KCNK1: variants seen among roughly 807,000 people sequenced by gnomAD.
The protein encoded by KCNK1 is potassium two pore domain channel subfamily K member 1.
Under a neutral mutation model 22.2 loss-of-function variants are expected in KCNK1, and 10 were observed. That is an observed-to-expected ratio of 0.45 (90% CI 0.28 to 0.76). The LOEUF (loss-of-function observed/expected upper bound fraction) is 0.76, where lower values mean the gene tolerates loss of function less well. Ranked by LOEUF, KCNK1 falls within the 30% of genes least tolerant of loss-of-function variation. The pLI, the probability that KCNK1 is intolerant of heterozygous loss-of-function variation, is 0.14. For synonymous variants in KCNK1, 200 were observed against 186.4 expected, an observed-to-expected ratio of 1.07 and a Z score of -0.60; for missense variants, 378 against 421.0, an observed-to-expected ratio of 0.90 and a Z score of 0.89.
chr1:233,650,991 C>T (rs923900440), intron 1 of KCNK1, among the ~76,000 whole-genome samples: 22 of 152,124 alleles, frequency 1.4e-4, no homozygotes, highest in East Asian at 1.4e-3. Flanking sequence ...TCCAGGGTTC[C>T]CGCATCCCTT....
At chr1:233,653,404 A>T (rs1374756945) in intron 1 of KCNK1, among the ~76,000 whole-genome samples, 1 of 152,162 alleles carries the variant, frequency 6.6e-6, no homozygotes, top group African/African-American at 2.4e-5. Flanking sequence ...TCCCTGACTG[A>T]TGGTTAATTG....
At chr1:233,656,808 A>G (rs757329900) in intron 1 of KCNK1, among the ~76,000 whole-genome samples, 4 of 152,018 alleles carry the variant, frequency 2.6e-5, no homozygotes, top group Non-Finnish European at 5.9e-5. Flanking sequence ...TTGTATAGAC[A>G]GAGCTCACTA....
intron 1 of KCNK1, among the ~76,000 whole-genome samples, chr1:233,666,294 T>G (rs913418529): frequency 7.9e-5 from 12 of 152,164 alleles, no homozygotes; most frequent in African/African-American, 2.7e-4. Flanking sequence ...GGCCTTAGCT[T>G]CTTAGTACAC....
At chr1:233,668,708 C>T (rs1335068328) in intron 2 of KCNK1, among the ~76,000 whole-genome samples, 3 of 152,036 alleles carry the variant, frequency 2.0e-5, no homozygotes, top group African/African-American at 7.2e-5. Flanking sequence ...CGGGTTCAAG[C>T]GATTCTCCTG....
chr1:233,638,354 T>C (rs942982935), intron 1 of KCNK1, among the ~76,000 whole-genome samples: 9 of 152,100 alleles, frequency 5.9e-5, no homozygotes, highest in African/African-American at 1.7e-4. Flanking sequence ...ATTAAATTAG[T>C]TAAAAATTAA....
chr1:233,640,075 T>C (rs1407809077), intron 1 of KCNK1, among the ~76,000 whole-genome samples: 3 of 152,206 alleles, frequency 2.0e-5, no homozygotes, highest in Admixed American at 1.3e-4. Flanking sequence ...AATTCTTTTC[T>C]CCAAATGAGA....
intron 1 of KCNK1, among the ~76,000 whole-genome samples, chr1:233,635,840 A>C (rs1468910627): frequency 6.6e-6 from 1 of 152,224 alleles, no homozygotes; most frequent in African/African-American, 2.4e-5. Flanking sequence ...ATTTTACATA[A>C]AATAAGTGTT....
At chr1:233,630,851 A>G (rs1484319272) in intron 1 of KCNK1, 1 of 160,334 alleles carries the variant, frequency 6.2e-6, no homozygotes, top group Non-Finnish European at 1.4e-5. Context: ...GAGACTTTCA[A>G]TCTCTTGATA....
At chr1:233,656,383 C>T (rs984041280) in intron 1 of KCNK1, among the ~76,000 whole-genome samples, 5 of 152,190 alleles carry the variant, frequency 3.3e-5, no homozygotes. Context: ...TAAACCCAGT[C>T]TGAGAGTTGC....
At chr1:233,638,780 G>T (rs1311423943) in intron 1 of KCNK1, among the ~76,000 whole-genome samples, 1 of 152,178 alleles carries the variant, frequency 6.6e-6, no homozygotes, top group Non-Finnish European at 1.5e-5. Flanking sequence ...TCCATGTGCA[G>T]GGAAACGTTT....
chr1:233,616,539 C>T (rs903088642), intron 1 of KCNK1, among the ~76,000 whole-genome samples: 1 of 151,976 alleles, frequency 6.6e-6, no homozygotes, highest in African/African-American at 2.4e-5. Flanking sequence ...TGTATTCATG[C>T]AAAACAAGTG....
At chr1:233,615,386 A>G (rs1016676321) in intron 1 of KCNK1, among the ~76,000 whole-genome samples, 2 of 152,178 alleles carry the variant, frequency 1.3e-5, no homozygotes, top group African/African-American at 2.4e-5. Context: ...GGCCGGGCGC[A>G]TGCCCCAGGG....
intron 1 of KCNK1, among the ~76,000 whole-genome samples, chr1:233,649,776 T>A (rs536587238): frequency 3.2e-4 from 49 of 152,278 alleles, no homozygotes; most frequent in Middle Eastern, 3.4e-3. Context: ...TACTATTGCA[T>A]TGGGGATTAG....
intron 2 of KCNK1, among the ~76,000 whole-genome samples, chr1:233,667,478 C>T (rs1220788604): frequency 6.6e-6 from 1 of 152,094 alleles, no homozygotes; most frequent in Non-Finnish European, 1.5e-5. Flanking sequence ...CGCCTGTAAT[C>T]CCAGCACTTT....
At chr1:233,630,022 C>T (rs1247940938) in intron 1 of KCNK1, 2 of 152,196 alleles carry the variant, frequency 1.3e-5, no homozygotes, top group Admixed American at 6.5e-5. Flanking sequence ...TCTTCACCTC[C>T]TGATACCTGT....
intron 1 of KCNK1, among the ~76,000 whole-genome samples, chr1:233,657,321 T>C (rs1461180059): frequency 6.6e-6 from 1 of 152,136 alleles, no homozygotes; most frequent in Admixed American, 6.5e-5. Flanking sequence ...GTTTTCGAAA[T>C]GTGACTGATT....
intron 1 of KCNK1, among the ~76,000 whole-genome samples, chr1:233,637,055 G>T (rs1431580656): frequency 1.3e-5 from 2 of 152,078 alleles, no homozygotes; most frequent in African/African-American, 4.8e-5. Context: ...AATTAGCAGG[G>T]AGTGGTGGCG....
chr1:233,637,577 C>G (rs916674796), intron 1 of KCNK1: 8 of 152,286 alleles, frequency 5.3e-5, no homozygotes, highest in Admixed American at 1.3e-4. Flanking sequence ...TTTGGCAATG[C>G]AAGTTTATCT....
rs186503820 is a variant in KCNK1, at chr1:233,653,196, G to A, written c.356-13399G>A. The stretch of plus-strand genomic sequence containing the variant: ...TATGCTGCTTCACCCATTTATTCCT[G>A]CAGAAACCACAGTAAAGTTCCCCCC... On this transcript the variant is annotated intron_variant, in intron 1 of 2. Coordinates refer to ENST00000366621, the MANE Select transcript of KCNK1 (RefSeq NM_002245.4). 1.3e-3 allele frequency among the ~76,000 whole-genome samples: 193 copies of A among 152,240 alleles called. 1 individual carries two copies. The highest frequency in any genetic ancestry group is 1.6e-4 in the Non-Finnish European group (11 of 68,016).
Sources: allele counts gnomAD v4.1 joint callset (sites outside exome capture counted in the v4.1 genomes callset), GRCh38; gene constraint gnomAD v4.1.1; transcripts MANE v1.5; gene names NCBI Gene and HGNC (gene_info 2026-07-23, HGNC 2026-07-21).